GABBR2: variants seen among roughly 807,000 people sequenced by gnomAD.
GABBR2 encodes the protein gamma-aminobutyric acid type B receptor subunit 2, also known as G-protein coupled receptor 51.
Under a neutral mutation model 105.6 loss-of-function variants are expected in GABBR2, and 23 were observed. That is an observed-to-expected ratio of 0.22 (90% CI 0.16 to 0.31). The LOEUF (loss-of-function observed/expected upper bound fraction) is 0.31. Among genes scored for constraint, GABBR2 ranks in the 10% least tolerant of loss-of-function variants. The pLI is 1.00. For missense variants in GABBR2, 734 were observed against 1,245.5 expected (o/e 0.59, Z 6.18); for synonymous variants, 478 against 499.7 (o/e 0.96, Z 0.58).
At chr9:98,617,882 C>T (rs1312249197) in intron 1 of GABBR2, among the ~76,000 whole-genome samples, 1 of 152,164 alleles carries the variant, frequency 6.6e-6, no homozygotes, top group Non-Finnish European at 1.5e-5. Flanking sequence ...CCAGTGATGC[C>T]CCCACTACCT....
At chr9:98,469,301 A>G (rs987518094) in intron 6 of GABBR2, among the ~76,000 whole-genome samples, 4 of 152,202 alleles carry the variant, frequency 2.6e-5, no homozygotes, top group African/African-American at 9.7e-5. Flanking sequence ...GGGAAGTGTC[A>G]CACACATTCA....
At chr9:98,404,200 A>C (rs1327243160) in intron 8 of GABBR2, among the ~76,000 whole-genome samples, 1 of 36,026 alleles carries the variant, frequency 2.8e-5, no homozygotes, top group Admixed American at 1.8e-4. Context: ...GCAATCACTC[A>C]AAAAAAAAAA....
intron 1 of GABBR2, among the ~76,000 whole-genome samples, chr9:98,634,574 G>C (rs905882789): frequency 3.9e-5 from 6 of 152,166 alleles, no homozygotes; most frequent in Non-Finnish European, 8.8e-5. Flanking sequence ...CACCAGAGCT[G>C]GAAGAGGCAA....
intron 7 of GABBR2, among the ~76,000 whole-genome samples, chr9:98,442,684 G>C (rs1351478877): frequency 6.6e-6 from 1 of 152,176 alleles, no homozygotes; most frequent in East Asian, 1.9e-4. Flanking sequence ...ATGGGAATTT[G>C]TTATCTCAGT....
intron 6 of GABBR2, among the ~76,000 whole-genome samples, chr9:98,472,457 C>G (rs1320534860): frequency 6.6e-6 from 1 of 152,188 alleles, no homozygotes; most frequent in Admixed American, 6.5e-5. Context: ...ACAGTCGTGA[C>G]AGCATCAAGG....
At chr9:98,707,574 C>A (rs1564157315) in intron 1 of GABBR2, 1 of 152,562 alleles carries the variant, frequency 6.6e-6, no homozygotes, top group Non-Finnish European at 1.5e-5. Context: ...GATGGAAAGC[C>A]CTTGGCTCTC....
chr9:98,615,705 T>A (rs1056555052), intron 1 of GABBR2, among the ~76,000 whole-genome samples: 2 of 152,198 alleles, frequency 1.3e-5, no homozygotes, highest in Non-Finnish European at 2.9e-5. Context: ...GTGCTGTACA[T>A]AGCCCAGATC....
At chr9:98,542,163 G>A in intron 2 of GABBR2, 120 bp from the exon 3 acceptor site, 1 of 761,760 alleles carries the variant, frequency 1.3e-6, no homozygotes, top group Admixed American at 3.1e-5. Flanking sequence ...CACAGGGACA[G>A]ATATTTTTAA....
At chr9:98,494,551 C>A (rs1314458380) in intron 4 of GABBR2, among the ~76,000 whole-genome samples, 1 of 152,120 alleles carries the variant, frequency 6.6e-6, no homozygotes, top group Non-Finnish European at 1.5e-5. Context: ...ATTGCCCAGA[C>A]CTGGGTTTGA....
intron 1 of GABBR2, among the ~76,000 whole-genome samples, chr9:98,660,492 C>T (rs1391854828): frequency 1.3e-5 from 2 of 152,236 alleles, no homozygotes; most frequent in African/African-American, 4.8e-5. Flanking sequence ...ACATTTTTAA[C>T]TGCCTTTATT....
intron 1 of GABBR2, among the ~76,000 whole-genome samples, chr9:98,670,436 T>C (rs1219610304): frequency 6.6e-6 from 1 of 152,176 alleles, no homozygotes; most frequent in South Asian, 2.1e-4. Flanking sequence ...ATATGGCGGT[T>C]CCCCCCTAAA....
intron 3 of GABBR2, among the ~76,000 whole-genome samples, chr9:98,540,069 C>T (rs1275713433): frequency 6.6e-6 from 1 of 152,178 alleles, no homozygotes; most frequent in African/African-American, 2.4e-5. Context: ...TTTCTCGCTT[C>T]TCTATGAAGG....
intron 1 of GABBR2, among the ~76,000 whole-genome samples, chr9:98,631,703 C>A (rs1259789355): frequency 6.6e-6 from 1 of 152,230 alleles, no homozygotes; most frequent in Non-Finnish European, 1.5e-5. Flanking sequence ...CAAATCTCAG[C>A]TAAAAGTTCT....
intron 3 of GABBR2, among the ~76,000 whole-genome samples, chr9:98,508,794 C>T (rs989269324): frequency 6.6e-6 from 1 of 151,912 alleles, no homozygotes; most frequent in Non-Finnish European, 1.5e-5. Context: ...GTGGAGCCCA[C>T]CACAGCTCAA....
intron 12 of GABBR2, among the ~76,000 whole-genome samples, chr9:98,369,319 G>A (rs1378251871): frequency 6.6e-6 from 1 of 152,142 alleles, no homozygotes; most frequent in Non-Finnish European, 1.5e-5. Context: ...GCAGGGGGCA[G>A]GGGGCAGAGA....
At position 98,317,087 on chromosome 9, in the gene GABBR2, C is replaced by T. The variant is rs115894241; in HGVS notation, c.1894-5882G>A. Among the ~76,000 whole-genome samples, 555 of 152,354 alleles carry T rather than the reference C, an allele frequency of 3.6e-3. 2 individuals are homozygous for T. The highest frequency in any genetic ancestry group is 0.012 in the African/African-American group (504 of 41,592). On this transcript the variant is annotated intron_variant, in intron 13 of 18. Transcript: ENST00000259455. ...AAGAACTTAATCGTTAAATATTCAA[C>T]AGTGGCTTCCCCTGAAGCCCCCAGA...
intron 2 of GABBR2, among the ~76,000 whole-genome samples, chr9:98,560,916 G>A (rs1828665677): frequency 6.6e-6 from 1 of 151,526 alleles, no homozygotes; most frequent in Non-Finnish European, 1.5e-5. Flanking sequence ...AGTGCATCTT[G>A]GAAAGAATGA....
intron 1 of GABBR2, among the ~76,000 whole-genome samples, chr9:98,591,874 A>G (rs1201894420): frequency 1.3e-5 from 2 of 152,248 alleles, no homozygotes; most frequent in Non-Finnish European, 2.9e-5. Flanking sequence ...TGCTTCACTT[A>G]AAAAACAAAA....
intron 1 of GABBR2, among the ~76,000 whole-genome samples, chr9:98,704,280 GAC>G (rs1830867607): frequency 6.6e-6 from 1 of 152,180 alleles, no homozygotes. Flanking sequence ...CAAGAAAAAA[GAC>G]ATGCTCAACA....
Sources: allele counts gnomAD v4.1 joint callset (sites outside exome capture counted in the v4.1 genomes callset), GRCh38; gene constraint gnomAD v4.1.1; transcripts MANE v1.5; gene names NCBI Gene and HGNC (gene_info 2026-07-23, HGNC 2026-07-21).